KPNA4: variants seen among roughly 807,000 people sequenced by gnomAD.
The protein encoded by KPNA4 is importin subunit alpha-3.
Under a neutral mutation model 71.3 loss-of-function variants are expected in KPNA4, and 13 were observed. That is an observed-to-expected ratio of 0.18 (90% CI 0.12 to 0.29). The LOEUF (loss-of-function observed/expected upper bound fraction) is 0.29, where lower values mean the gene tolerates loss of function less well. Ranked by LOEUF, KPNA4 falls within the 10% of genes least tolerant of loss-of-function variation. The pLI, the probability that KPNA4 is intolerant of heterozygous loss-of-function variation, is 1.00. For synonymous variants in KPNA4, 189 were observed against 195.2 expected (o/e 0.97, Z 0.26); for missense variants, 334 against 603.2 (o/e 0.55, Z 4.67).
chr3:160,547,596 C>A (rs1430735994), intron 1 of KPNA4, among the ~76,000 whole-genome samples: 4 of 152,104 alleles, frequency 2.6e-5, no homozygotes, highest in Non-Finnish European at 4.4e-5. Context: ...CCATAATTTA[C>A]ATTAGGGTTC....
At chr3:160,519,522 C>T (rs1408275033) in intron 11 of KPNA4, among the ~76,000 whole-genome samples, 1 of 152,034 alleles carries the variant, frequency 6.6e-6, no homozygotes, top group Non-Finnish European at 1.5e-5. Context: ...CGGCCGGGCG[C>T]GGTGGCTCAC....
rs1191770826 is a variant in KPNA4, at chr3:160,498,502, G to A, written c.*3602C>T. 2 of 152,212 alleles carry A rather than the reference G, an allele frequency of 1.3e-5. No individual in the cohort carries two copies. Among genetic ancestry groups the A allele is most frequent in the African/African-American group, 4.8e-5 (2 of 41,430 alleles). The allele number at this position is 152,212 out of a possible 1,614,324, so 9.4% of individuals were successfully genotyped here. ...ACTACAATGCAGGGCAAAGGTGAAG[G>A]GATTTTGCAGGGGTAATGAAGGTAC... is the stretch of plus-strand genomic sequence containing the variant. On this transcript the variant is annotated 3_prime_UTR_variant, in exon 17 of 17. Coordinates refer to ENST00000334256, the MANE Select transcript of KPNA4 (RefSeq NM_002268.5).
chr3:160,530,147 A>C (rs1446409430), intron 7 of KPNA4, among the ~76,000 whole-genome samples: 1 of 143,948 alleles, frequency 6.9e-6, no homozygotes, highest in African/African-American at 2.9e-5. Context: ...AAAAAAAAAA[A>C]AAAAAAAAAA....
intron 1 of KPNA4, among the ~76,000 whole-genome samples, chr3:160,562,910 A>C (rs1264595212): frequency 6.6e-6 from 1 of 152,224 alleles, no homozygotes; most frequent in South Asian, 2.1e-4. Context: ...AAAGTGCCAA[A>C]AGATATGAGG....
intron 7 of KPNA4, among the ~76,000 whole-genome samples, chr3:160,529,477 T>C (rs1369071758): frequency 5.9e-5 from 9 of 152,126 alleles, no homozygotes; most frequent in Admixed American, 4.6e-4. Context: ...GTGAGGTAAT[T>C]ATCTTTTCTA....
intron 5 of KPNA4, among the ~76,000 whole-genome samples, chr3:160,532,279 C>A (rs1057238212): frequency 2.6e-4 from 39 of 152,158 alleles, no homozygotes; most frequent in African/African-American, 9.2e-4. Context: ...TAAGAGGTCA[C>A]CAAAATATCC....
chr3:160,556,915 G>A (rs773673969), intron 1 of KPNA4, among the ~76,000 whole-genome samples: 1 of 152,146 alleles, frequency 6.6e-6, no homozygotes, highest in Non-Finnish European at 1.5e-5. Context: ...ATATTCAAAA[G>A]TGAAATAAGG....
intron 8 of KPNA4, among the ~76,000 whole-genome samples, chr3:160,527,334 A>T (rs1721478543): frequency 6.6e-6 from 1 of 152,120 alleles, no homozygotes; most frequent in African/African-American, 2.4e-5. Flanking sequence ...AATTGTCTTT[A>T]TTTTCCTTAC....
intron 14 of KPNA4, 68 bp downstream of exon 14, chr3:160,509,732 T>G (rs977323514): frequency 9.3e-7 from 1 of 1,071,560 alleles, no homozygotes; most frequent in African/African-American, 1.6e-5. Flanking sequence ...TACTCAAATC[T>G]AAATCAATAT....
intron 7 of KPNA4, 45 bp downstream of exon 7, chr3:160,530,810 T>G (rs1285869831): frequency 1.5e-6 from 2 of 1,359,072 alleles, no homozygotes; most frequent in African/African-American, 2.9e-5. Flanking sequence ...TTTACCGACT[T>G]CTTTTAAAAA....
intron 1 of KPNA4, among the ~76,000 whole-genome samples, chr3:160,538,988 A>G (rs532606799): frequency 6.6e-6 from 1 of 152,320 alleles, no homozygotes; most frequent in African/African-American, 2.4e-5. Context: ...ATCAGCTAAA[A>G]TATGTAAAGT....
intron 1 of KPNA4, among the ~76,000 whole-genome samples, chr3:160,555,400 C>T (rs1305883777): frequency 6.6e-6 from 1 of 152,190 alleles, no homozygotes; most frequent in East Asian, 1.9e-4. Context: ...TAGTCACCCC[C>T]TTATCTGCAC....
intron 7 of KPNA4, 41 bp from the exon 8 acceptor site, chr3:160,528,080 C>T (rs1404564589): frequency 4.1e-6 from 6 of 1,454,024 alleles, no homozygotes; most frequent in Non-Finnish European, 3.8e-6. Flanking sequence ...GTTGAAGATA[C>T]CATAAACCAA....
At chr3:160,508,904 A>G (rs1721040157) in intron 14 of KPNA4, among the ~76,000 whole-genome samples, 1 of 152,096 alleles carries the variant, frequency 6.6e-6, no homozygotes. Flanking sequence ...TCAATTCACT[A>G]TTCTATTGAT....
intron 6 of KPNA4, among the ~76,000 whole-genome samples, chr3:160,531,224 T>G (rs1273883039): frequency 1.3e-5 from 2 of 152,128 alleles, no homozygotes; most frequent in Non-Finnish European, 2.9e-5. Flanking sequence ...CTGGTCAAAC[T>G]AGTTCTTGCC....
At chr3:160,524,100 A>G (rs1721414532) in intron 10 of KPNA4, among the ~76,000 whole-genome samples, 1 of 152,192 alleles carries the variant, frequency 6.6e-6, no homozygotes, top group African/African-American at 2.4e-5. Context: ...CTTCTAACAC[A>G]TTATTTAGTA....
intron 5 of KPNA4, among the ~76,000 whole-genome samples, chr3:160,534,432 A>C (rs1311891585): frequency 6.6e-6 from 1 of 152,164 alleles, no homozygotes; most frequent in South Asian, 2.1e-4. Context: ...AGAAATGTGC[A>C]AAACAGGCAG....
intron 13 of KPNA4, among the ~76,000 whole-genome samples, chr3:160,513,397 A>G (rs1721141833): frequency 6.6e-6 from 1 of 151,552 alleles, no homozygotes; most frequent in Admixed American, 6.6e-5. Context: ...CTAGAACCAC[A>G]GGCGCATGCT....
At chr3:160,524,975 A>G (rs1721432002) in intron 10 of KPNA4, among the ~76,000 whole-genome samples, 1 of 152,200 alleles carries the variant, frequency 6.6e-6, no homozygotes, top group Non-Finnish European at 1.5e-5. Flanking sequence ...GAACCACATG[A>G]GTTCCTGATT....
Sources: gnomAD v4.1 joint callset for allele counts (sites outside exome capture counted in the v4.1 genomes callset) on GRCh38, gnomAD v4.1.1 for gene constraint, MANE v1.5 for transcripts, NCBI Gene and HGNC (gene_info 2026-07-23, HGNC 2026-07-21) for gene names.